The following CFAP44 variants were observed in gnomAD, a reference collection of about 807,000 sequenced individuals.
CFAP44 encodes cilia- and flagella-associated protein 44.
A neutral mutation model predicts 216.2 loss-of-function variants in CFAP44; 134 were observed. That is an observed-to-expected ratio of 0.62 (90% CI 0.54 to 0.72). CFAP44 has a LOEUF of 0.72. Ranked by LOEUF, CFAP44 falls within the 30% of genes least tolerant of loss-of-function variation. The probability of loss-of-function intolerance (pLI) is 0.00; values close to 1 mark genes in which losing one functional copy is unlikely to be tolerated. For missense variants in CFAP44, 2,035 were observed against 2,182.1 expected, an observed-to-expected ratio of 0.93 and a Z score of 1.34; for synonymous variants, 700 against 727.6, an observed-to-expected ratio of 0.96 and a Z score of 0.61.
intron 8 of CFAP44, 123 bp downstream of exon 8, chr3:113,406,804 G>A (rs572866729): frequency 4.9e-6 from 3 of 609,948 alleles, no homozygotes; most frequent in African/African-American, 3.7e-5. Context: ...AAAATTAAAT[G>A]TTCATTACAT....
chr3:113,352,005 A>G (rs1950449740), intron 22 of CFAP44, among the ~76,000 whole-genome samples: 1 of 152,150 alleles, frequency 6.6e-6, no homozygotes, highest in African/African-American at 2.4e-5. Flanking sequence ...CCCAGCAGGA[A>G]GTAGCTGGAG....
At chr3:113,426,388 G>T in intron 3 of CFAP44, 111 bp from the exon 4 acceptor site, 1 of 1,174,666 alleles carries the variant, frequency 8.5e-7, no homozygotes, top group Non-Finnish European at 1.2e-6. Context: ...GGAGAGACCT[G>T]GTAGGAGGTA....
chr3:113,292,031 T>C (rs1949834339), intron 34 of CFAP44, among the ~76,000 whole-genome samples: 1 of 152,172 alleles, frequency 6.6e-6, no homozygotes, highest in East Asian at 1.9e-4. Flanking sequence ...ACTGGAATAA[T>C]AAAAGACAGA....
intron 34 of CFAP44, chr3:113,293,977 C>G (rs1165239078): frequency 2.2e-6 from 1 of 456,522 alleles, no homozygotes; most frequent in African/African-American, 2.0e-5. Context: ...CCAGGTGATG[C>G]TGATGCTCTT....
chr3:113,405,393 G>C (rs959755886), intron 8 of CFAP44, among the ~76,000 whole-genome samples: 15 of 152,094 alleles, frequency 9.9e-5, no homozygotes, highest in African/African-American at 3.6e-4. Flanking sequence ...AGAAGTCTAG[G>C]CCCTTGATCA....
chr3:113,425,137 T>C (rs114470599), intron 4 of CFAP44, among the ~76,000 whole-genome samples: 85 of 152,168 alleles, frequency 5.6e-4, no homozygotes, highest in African/African-American at 2.0e-3. Context: ...AGAGAGAAAA[T>C]TCCAGGTTAC....
In CFAP44 at chr3:113,379,525, C is replaced by A; in HGVS notation, c.2079G>T (p.Glu693Asp). ...TTTTCTCCTTCAACTCCCTTTGTCT[C>A]TCCCTCTTTTCAATTTCTATTAATC... is the stretch of plus-strand genomic sequence containing the variant. ...ILRLIEIEKR[E>D]RQRELKEKIR... The change falls in exon 17 of 35, where the codon GAG (glutamate) becomes GAT (aspartate). Residue 693 changes from glutamate (E) to aspartate (D), a missense_variant. By Grantham distance (45) the Glu-to-Asp change is conservative. Around this residue, in one of 3 missense-constraint regions of CFAP44, gnomAD observed 1,883 missense variants for 2,023.7 expected, o/e 0.93. Coordinates refer to ENST00000393845, the MANE Select transcript of CFAP44 (RefSeq NM_001164496.2). The A allele has an allele frequency of 6.3e-7, 1 of 1,592,422 alleles. No individual in the cohort carries two copies. Among genetic ancestry groups the A allele is most frequent in the Non-Finnish European group, 8.6e-7 (1 of 1,162,144 alleles).
Position 113,361,476 on chromosome 3 carries a change from T to C in CFAP44, c.2934+1669A>G, listed in dbSNP as rs116778701. ...ATAAGAAATTATATAATTATACATA[T>C]TGTAGAATAAAGACCTGTTTTGTTT... On this transcript the variant is annotated intron_variant, in intron 21 of 34. Transcript: ENST00000393845. Among the ~76,000 whole-genome samples, 1,269 of 151,600 alleles carry C rather than the reference T, an allele frequency of 8.4e-3. 21 individuals carry two copies. The highest frequency in any genetic ancestry group is 0.029 in the African/African-American group (1,199 of 41,344).
At chr3:113,383,240 G>A (rs1310905133) in intron 15 of CFAP44, among the ~76,000 whole-genome samples, 1 of 152,208 alleles carries the variant, frequency 6.6e-6, no homozygotes, top group Non-Finnish European at 1.5e-5. Context: ...TAGCTTAAAT[G>A]ACAGAAATTC....
At chr3:113,389,325 A>G (rs1003952438) in intron 15 of CFAP44, among the ~76,000 whole-genome samples, 1 of 152,284 alleles carries the variant, frequency 6.6e-6, no homozygotes, top group African/African-American at 2.4e-5. Context: ...CTTGAAACAA[A>G]TGACAGTAGA....
At chr3:113,387,788 T>C (rs1212053484) in intron 15 of CFAP44, among the ~76,000 whole-genome samples, 1 of 152,062 alleles carries the variant, frequency 6.6e-6, no homozygotes, top group Non-Finnish European at 1.5e-5. Context: ...ACACCATTTC[T>C]GGTCCTGGGC....
intron 13 of CFAP44, among the ~76,000 whole-genome samples, chr3:113,399,071 T>C (rs1257917435): frequency 6.6e-6 from 1 of 152,212 alleles, no homozygotes; most frequent in African/African-American, 2.4e-5. Context: ...GAGGCTTCCA[T>C]GTTCTGATGA....
chr3:113,320,472 TG>T (rs1316662484), intron 28 of CFAP44, among the ~76,000 whole-genome samples: 22 of 86,802 alleles, frequency 2.5e-4, no homozygotes, highest in African/African-American at 9.7e-4. Context: ...ATATCATATA[TG>T]ATATATATGA....
intron 4 of CFAP44, among the ~76,000 whole-genome samples, chr3:113,423,668 T>C (rs189477605): frequency 8.5e-4 from 129 of 152,312 alleles, no homozygotes; most frequent in Non-Finnish European, 1.3e-3. Context: ...TTCTGTATAA[T>C]CTCTTTTAAA....
At chr3:113,336,450 T>C (rs185049962) in intron 24 of CFAP44, among the ~76,000 whole-genome samples, 19 of 151,994 alleles carry the variant, frequency 1.3e-4, no homozygotes, top group Non-Finnish European at 2.5e-4. Flanking sequence ...GCCAATAAAA[T>C]TGACAACTTA....
intron 21 of CFAP44, 90 bp downstream of exon 21, chr3:113,363,055 T>C (rs188483267): frequency 4.3e-6 from 6 of 1,408,560 alleles, no homozygotes; most frequent in Admixed American, 3.0e-5. Flanking sequence ...AGAAAGATGA[T>C]TTTAAGTGTT....
intron 28 of CFAP44, among the ~76,000 whole-genome samples, chr3:113,308,576 A>T (rs774213443): frequency 4.9e-4 from 74 of 150,916 alleles, no homozygotes; most frequent in Middle Eastern, 3.4e-3. Flanking sequence ...TCAGACAAAA[A>T]TTTTTTTTTC....
At chr3:113,385,172 T>G (rs973319457) in intron 15 of CFAP44, among the ~76,000 whole-genome samples, 8 of 152,198 alleles carry the variant, frequency 5.3e-5, no homozygotes, top group African/African-American at 1.7e-4. Context: ...TCCACCATGA[T>G]TGTGAGGCCT....
intron 10 of CFAP44, 111 bp from the exon 11 acceptor site, chr3:113,401,398 C>T: frequency 1.7e-6 from 2 of 1,205,370 alleles, no homozygotes; most frequent in Non-Finnish European, 2.3e-6. Context: ...ATCAAAAGCT[C>T]ACATATATTT....
Sources: gnomAD v4.1 joint callset for allele counts (sites outside exome capture counted in the v4.1 genomes callset) on GRCh38, gnomAD v4.1.1 for gene constraint, gnomAD v4.1.1 regional missense constraint, MANE v1.5 for transcripts, NCBI Gene and HGNC (gene_info 2026-07-23, HGNC 2026-07-21) for gene names.